Variants in NOTUM observed in about 807,000 individuals in gnomAD.
NOTUM encodes the protein notum, palmitoleoyl-protein carboxylesterase, also known as palmitoleoyl-protein carboxylesterase NOTUM.
A neutral mutation model predicts 65.5 loss-of-function variants in NOTUM; 36 were observed. That is an observed-to-expected ratio of 0.55 (90% CI 0.42 to 0.73). NOTUM has a LOEUF of 0.73. Among genes scored for constraint, NOTUM ranks in the 30% least tolerant of loss-of-function variants. The pLI is 0.00. For synonymous variants in NOTUM, 356 were observed against 297.9 expected, an observed-to-expected ratio of 1.20 and a Z score of -2.01; for missense variants, 659 against 694.2, an observed-to-expected ratio of 0.95 and a Z score of 0.57.
At position 81,960,017 on chromosome 17, in the gene NOTUM, G is replaced by T. The variant is rs2041462273; in HGVS notation, c.324-325C>A. 6.6e-6 allele frequency among the ~76,000 whole-genome samples: 1 copy of T among 151,948 alleles called. No homozygotes were observed. Among genetic ancestry groups the T allele is most frequent in the Non-Finnish European group, 1.5e-5 (1 of 67,962 alleles). ...GGCGCTTGAAGCGTGAAACGCGTCCGCACTGAAGGAGCGCGCTTGGCGGGG... is the reference window on the plus strand; with the variant it reads ...GGCGCTTGAAGCGTGAAACGCGTCCTCACTGAAGGAGCGCGCTTGGCGGGG... On this transcript the variant is annotated intron_variant, in intron 1 of 10. Transcript: ENST00000409678. This position sits in a 1 kb window ranked among gnomAD's most constrained non-coding sequence, Gnocchi z 6.4.
rs756540509 is a variant in NOTUM, at chr17:81,953,069, C to T, written c.1383G>A (p.Met461Ile). 6 of 1,613,900 alleles carry T rather than the reference C, an allele frequency of 3.7e-6. No homozygotes were observed. In the East Asian group the frequency reaches 1.3e-4, roughly 36 times the overall value. The change falls in exon 11 of 11, where the codon ATG becomes ATA. Residue 461 changes from methionine (M) to isoleucine (I), a missense_variant. By Grantham distance (10) the Met-to-Ile change is conservative (BLOSUM62 1). Coordinates refer to ENST00000409678, the MANE Select transcript of NOTUM (RefSeq NM_178493.6). ...TVRDQFTGQE[M>I]NVAQFLMHMG... The stretch of plus-strand genomic sequence containing the variant: ...TGTGCATGAGGAACTGGGCCACGTT[C>T]ATCTCTTGCCCCGTGAACTGGTCTC...
At chr17:81,955,212 C>T (rs1040912350) in intron 9 of NOTUM, among the ~76,000 whole-genome samples, 185 bp downstream of exon 9, 1 of 152,178 alleles carries the variant, frequency 6.6e-6, no homozygotes, top group African/African-American at 2.4e-5. Context: ...CACTCCTGAC[C>T]TCAGGTGATC....
intron 9 of NOTUM, among the ~76,000 whole-genome samples, 192 bp downstream of exon 9, chr17:81,955,205 T>G (rs557152488): frequency 2.0e-5 from 3 of 152,286 alleles, no homozygotes; most frequent in African/African-American, 7.2e-5. Flanking sequence ...GGTCTCGCAC[T>G]CCTGACCTCA....
At chr17:81,957,777 C>T in intron 6 of NOTUM, 29 bp downstream of exon 6, 1 of 1,520,786 alleles carries the variant, frequency 6.6e-7, no homozygotes, top group Non-Finnish European at 9.0e-7. Context: ...CCTCACCCCT[C>T]ACCTCCAGCC....
intron 1 of NOTUM, 113 bp from the exon 2 acceptor site, chr17:81,959,805 T>A: frequency 2.0e-6 from 1 of 505,232 alleles, no homozygotes; most frequent in Non-Finnish European, 2.9e-6. Flanking sequence ...CGCGCGACGG[T>A]CGCACGGGGG....
chr17:81,959,852 C>G (rs1306447698), intron 1 of NOTUM, 160 bp from the exon 2 acceptor site: 1 of 258,480 alleles, frequency 3.9e-6, no homozygotes, highest in African/African-American at 2.3e-5. Flanking sequence ...TCAGGGACGG[C>G]GGCGGTCCCG....
intron 4 of NOTUM, among the ~76,000 whole-genome samples, chr17:81,958,631 A>AAAG (rs1050022069): frequency 8.0e-5 from 12 of 150,668 alleles, no homozygotes; most frequent in Admixed American, 6.6e-4. Context: ...ACCCCCCAGG[A>AAAG]AAGAAGGACC....
chr17:81,960,132 T>G lies in NOTUM; in HGVS notation c.324-440A>C, dbSNP rs2041463513. Among the ~76,000 whole-genome samples the G allele has an allele frequency of 6.6e-6, 1 of 151,626 alleles. No individual in the cohort carries two copies. Among genetic ancestry groups the G allele is most frequent in the Non-Finnish European group, 1.5e-5 (1 of 67,886 alleles). ...GCCGAGCCCCGACCCCACGCCCAAG[T>G]CTCCCGCTGTCCCCGGCTGTCCTCG... On this transcript the variant is annotated intron_variant, in intron 1 of 10. Coordinates refer to ENST00000409678, the MANE Select transcript of NOTUM (RefSeq NM_178493.6). This position sits in a 1 kb window ranked among gnomAD's most constrained non-coding sequence, Gnocchi z 6.4.
In NOTUM at chr17:81,954,202, G is replaced by C. The variant is rs1422399138; in HGVS notation, c.1184+54C>G. ...GGCCAAGTGCGGTTGGGGAGCATGT[G>C]GACTTTTGAAGTTGATGTCATGGAC... On this transcript the variant is annotated intron_variant, in intron 10 of 10. Transcript: ENST00000409678. 3.0e-6 allele frequency: 4 copies of C among 1,322,290 alleles called. No individual in the cohort carries two copies. The Middle Eastern group carries it at 5.4e-4, about 178-fold the overall frequency. The allele number at this position is 1,322,290 out of a possible 1,614,324, so 81.9% of individuals were successfully genotyped here. A position where few individuals can be genotyped will look rare whatever the true frequency, so the allele number is the denominator to read the frequency against.
chr17:81,958,206 C>T, intron 5 of NOTUM, 129 bp downstream of exon 5: 1 of 699,608 alleles, frequency 1.4e-6, no homozygotes, highest in African/African-American at 1.7e-5. Context: ...CACGACAAGG[C>T]TGAGAGTCAG....
intron 10 of NOTUM, among the ~76,000 whole-genome samples, chr17:81,953,491 T>TTCA (rs1567937201): frequency 6.6e-6 from 1 of 151,418 alleles, no homozygotes; most frequent in Non-Finnish European, 1.5e-5. Context: ...GAGATGGGGT[T>TTCA]TCACTATGTT....
rs571033459 is a variant in NOTUM, at chr17:81,960,572, G to A, written c.323+15C>T. ...GCGTCGGGCGGGGCGGGGAGGTGCA[G>A]GGCGCGGGCCTTACCCGGCGGGGCT... is the stretch of plus-strand genomic sequence containing the variant. On this transcript the variant is annotated intron_variant, in intron 1 of 10. Transcript: ENST00000409678. The surrounding 1 kb of genome is among the most constrained non-coding windows in gnomAD (Gnocchi z 6.4). 4 of 1,466,170 alleles carry A rather than the reference G, an allele frequency of 2.7e-6. No homozygotes were observed. The highest frequency in any genetic ancestry group is 1.4e-5 in the African/African-American group (1 of 70,218). 90.8% of individuals were successfully genotyped at this position (1,466,170 alleles called of 1,614,324 possible).
intron 6 of NOTUM, 29 bp downstream of exon 6, chr17:81,957,777 C>G: frequency 6.6e-7 from 1 of 1,520,786 alleles, no homozygotes; most frequent in South Asian, 1.2e-5. Flanking sequence ...CCTCACCCCT[C>G]ACCTCCAGCC....
In NOTUM at chr17:81,960,472, C is replaced by T. The variant is rs967163713; in HGVS notation, c.323+115G>A. On this transcript the variant is annotated intron_variant, in intron 1 of 10. Transcript: ENST00000409678. This position sits in a 1 kb window ranked among gnomAD's most constrained non-coding sequence, Gnocchi z 6.4. ...ACTCCTCGGGGCCAGGACCGCGGGG[C>T]GCCCGACGGAAGCCCTTTCTCCCCG... 2.8e-6 allele frequency: 2 copies of T among 705,168 alleles called. No individual in the cohort carries two copies. The highest frequency in any genetic ancestry group is 2.2e-6 in the Non-Finnish European group (1 of 457,574). The allele number at this position is 705,168 out of a possible 1,614,324, so 43.7% of individuals were successfully genotyped here.
chr17:81,957,175 C>T, intron 6 of NOTUM, 101 bp from the exon 7 acceptor site: 3 of 932,018 alleles, frequency 3.2e-6, no homozygotes, highest in Non-Finnish European at 3.2e-6. Flanking sequence ...GGGCAGGAGT[C>T]CTGATGCGTT....
intron 5 of NOTUM, 25 bp downstream of exon 5, chr17:81,958,310 A>ATGCCC: frequency 6.4e-7 from 1 of 1,558,900 alleles, no homozygotes; most frequent in Non-Finnish European, 8.8e-7. Context: ...CTGCCCTGCC[A>ATGCCC]TGCCCTGGGA....
chr17:81,952,852 G>A lies in NOTUM; in HGVS notation c.*109C>T, dbSNP rs2143937909. Reference sequence around the variant, plus strand: ...GCAGACCCAGACAGGGGGGACGGCTGGGGCCCTGTCCCGAAGAGACGGGAG... The same window carrying A: ...GCAGACCCAGACAGGGGGGACGGCTAGGGCCCTGTCCCGAAGAGACGGGAG... On this transcript the variant is annotated 3_prime_UTR_variant, in exon 11 of 11. Coordinates refer to ENST00000409678, the MANE Select transcript of NOTUM (RefSeq NM_178493.6). 1 of 986,386 alleles carries A rather than the reference G, an allele frequency of 1.0e-6. No homozygotes were observed. The highest frequency in any genetic ancestry group is 2.0e-5 in the Admixed American group (1 of 49,596). 61.1% of individuals were successfully genotyped at this position (986,386 alleles called of 1,614,324 possible). A position where few individuals can be genotyped will look rare whatever the true frequency, so the allele number is the denominator to read the frequency against.
chr17:81,955,905 C>G (rs986338181), intron 8 of NOTUM, among the ~76,000 whole-genome samples: 1 of 149,752 alleles, frequency 6.7e-6, no homozygotes, highest in Non-Finnish European at 1.5e-5. Flanking sequence ...TCAGCACCCC[C>G]AGGTCCCCGC....
In NOTUM at chr17:81,960,491, C is replaced by T. The variant is rs550615321; in HGVS notation, c.323+96G>A. The T allele has an allele frequency of 5.3e-4, 473 of 895,826 alleles. 1 individual carries two copies. The highest frequency in any genetic ancestry group is 1.0e-3 in the Middle Eastern group (3 of 3,004). 55.5% of individuals were successfully genotyped at this position (895,826 alleles called of 1,614,324 possible). ...GCGGGGCGCCCGACGGAAGCCCTTT[C>T]TCCCCGGGGAGAGAACGGCCGCGGC... On this transcript the variant is annotated intron_variant, in intron 1 of 10. Transcript: ENST00000409678. This position sits in a 1 kb window ranked among gnomAD's most constrained non-coding sequence, Gnocchi z 6.4.
Sources: gnomAD v4.1 joint callset for allele counts (sites outside exome capture counted in the v4.1 genomes callset) on GRCh38, gnomAD v4.1.1 for gene constraint, Gnocchi (gnomAD v3.1) non-coding constraint, MANE v1.5 for transcripts, NCBI Gene and HGNC (gene_info 2026-07-23, HGNC 2026-07-21) for gene names.